Variants in KIAA0319L observed in about 807,000 individuals in gnomAD.
KIAA0319L encodes dyslexia-associated protein KIAA0319-like protein.
A neutral mutation model predicts 120.1 loss-of-function variants in KIAA0319L; 55 were observed. The observed-to-expected ratio is 0.46, with a 90% CI of 0.37 to 0.57. The LOEUF (loss-of-function observed/expected upper bound fraction) is 0.57, where lower values mean the gene tolerates loss of function less well. Among genes scored for constraint, KIAA0319L ranks in the 20% least tolerant of loss-of-function variants. The probability of loss-of-function intolerance (pLI) is 0.00; values close to 1 mark genes in which losing one functional copy is unlikely to be tolerated. For missense variants in KIAA0319L, 1,049 were observed against 1,255.3 expected (o/e 0.84, Z 2.48); for synonymous variants, 398 against 471.9 (o/e 0.84, Z 2.03).
chr1:35,532,401 C>T (rs549461653), intron 2 of KIAA0319L, among the ~76,000 whole-genome samples: 4 of 152,258 alleles, frequency 2.6e-5, no homozygotes, highest in African/African-American at 4.8e-5. Context: ...TCTTTTTCAT[C>T]CATTCCCTGA....
chr1:35,437,141 T>C lies in KIAA0319L; in HGVS notation c.2963-2060A>G, dbSNP rs549354421. ...TCGCACGTTGTTGGTTTTGGTCACC[T>C]AGATGCCACTGGAACACCCCATGGC... On this transcript the variant is annotated intron_variant, in intron 20 of 20. Transcript: ENST00000325722. This position sits in a 1 kb window ranked among gnomAD's most constrained non-coding sequence, Gnocchi z 4.1. Among the ~76,000 whole-genome samples, 12 of 152,126 alleles carry C rather than the reference T, an allele frequency of 7.9e-5. No homozygotes were observed. The highest frequency in any genetic ancestry group is 6.5e-5 in the Admixed American group (1 of 15,284).
At chr1:35,490,925 T>A (rs574899454) in intron 3 of KIAA0319L, among the ~76,000 whole-genome samples, 31 of 152,332 alleles carry the variant, frequency 2.0e-4, no homozygotes, top group Admixed American at 7.2e-4. Context: ...TTCCTGCATG[T>A]GAAGATTGTG....
intron 3 of KIAA0319L, among the ~76,000 whole-genome samples, chr1:35,481,690 G>A (rs2149147064): frequency 6.6e-6 from 1 of 151,658 alleles, no homozygotes; most frequent in African/African-American, 2.4e-5. Context: ...AAATTTTTAT[G>A]TATGTATACA....
intron 20 of KIAA0319L, among the ~76,000 whole-genome samples, chr1:35,436,671 C>CA (rs781366806): frequency 1.3e-5 from 2 of 152,084 alleles, no homozygotes; most frequent in Non-Finnish European, 2.9e-5. Context: ...AAAACAACAA[C>CA]AAAAAACAAC....
chr1:35,500,810 C>T (rs1222002230), intron 3 of KIAA0319L, among the ~76,000 whole-genome samples: 1 of 152,222 alleles, frequency 6.6e-6, no homozygotes, highest in Non-Finnish European at 1.5e-5. Flanking sequence ...CAAGGCAATT[C>T]TCAATGCACA....
Position 35,515,503 on chromosome 1 carries a change from T to G in KIAA0319L, c.143-8368A>C, listed in dbSNP as rs917807579. Reference sequence around the variant, plus strand: ...ATTAAGGCAGAAATCAAGAAGTTATTTGAAACTAATAAGAACAAAGATACA... The same window carrying G: ...ATTAAGGCAGAAATCAAGAAGTTATGTGAAACTAATAAGAACAAAGATACA... On this transcript the variant is annotated intron_variant, in intron 2 of 20. Coordinates refer to ENST00000325722, the MANE Select transcript of KIAA0319L (RefSeq NM_024874.5). Among the ~76,000 whole-genome samples the G allele has an allele frequency of 2.6e-5, 4 of 152,124 alleles. No homozygotes were observed. In the East Asian group the frequency reaches 7.7e-4, roughly 29 times the overall value.
At chr1:35,545,706 C>T (rs999103717) in intron 2 of KIAA0319L, among the ~76,000 whole-genome samples, 1 of 152,048 alleles carries the variant, frequency 6.6e-6, no homozygotes, top group South Asian at 2.1e-4. Context: ...ACCAGCCTGG[C>T]CAACATGGTG....
intron 16 of KIAA0319L, among the ~76,000 whole-genome samples, chr1:35,447,218 C>T (rs990633521): frequency 1.3e-5 from 2 of 149,026 alleles, no homozygotes; most frequent in African/African-American, 5.0e-5. Flanking sequence ...GACTAGCTTC[C>T]ACACTACTGA....
At chr1:35,436,384 T>C (rs1192739512) in intron 20 of KIAA0319L, among the ~76,000 whole-genome samples, 2 of 152,204 alleles carry the variant, frequency 1.3e-5, no homozygotes, top group Non-Finnish European at 1.5e-5. Flanking sequence ...TTCTGGGTCT[T>C]GACTGAACCT....
chr1:35,534,641 C>T (rs1452466131), intron 2 of KIAA0319L, among the ~76,000 whole-genome samples: 3 of 151,904 alleles, frequency 2.0e-5, no homozygotes, highest in South Asian at 4.1e-4. Context: ...AGGTGGATCA[C>T]GAGGTCAGGA....
intron 7 of KIAA0319L, 90 bp downstream of exon 7, chr1:35,466,518 A>T: frequency 1.2e-6 from 1 of 835,040 alleles, no homozygotes; most frequent in Non-Finnish European, 1.9e-6. Flanking sequence ...TACAAAAAAA[A>T]TGAGAATCAA....
chr1:35,526,342 TGTAC>T (rs1461143659), intron 2 of KIAA0319L, among the ~76,000 whole-genome samples: 1 of 146,264 alleles, frequency 6.8e-6, no homozygotes, highest in Non-Finnish European at 1.5e-5. Context: ...TATGTATATA[TGTAC>T]GTGTGTGTGT....
chr1:35,531,647 C>T lies in KIAA0319L; in HGVS notation c.142+22703G>A, dbSNP rs181886629. ...CTAGGATTACAGGAGGTGGTGAGAA[C>T]GTGGACTGTTGGGGATTGCTCACTT... On this transcript the variant is annotated intron_variant, in intron 2 of 20. Transcript: ENST00000325722. 1.3e-5 allele frequency among the ~76,000 whole-genome samples: 2 copies of T among 152,286 alleles called. 1 individual carries two copies. The highest frequency in any genetic ancestry group is 2.9e-5 in the Non-Finnish European group (2 of 68,022).
At chr1:35,552,246 G>A (rs770114921) in intron 2 of KIAA0319L, among the ~76,000 whole-genome samples, 10 of 152,108 alleles carry the variant, frequency 6.6e-5, no homozygotes, top group Non-Finnish European at 1.5e-4. Context: ...GGAGGCTGAC[G>A]CAGGAGAATC....
At chr1:35,456,887 G>A (rs1319435444) in intron 9 of KIAA0319L, among the ~76,000 whole-genome samples, 1 of 137,074 alleles carries the variant, frequency 7.3e-6, no homozygotes, top group Non-Finnish European at 1.6e-5. Flanking sequence ...AAGGAGGGAG[G>A]GAGGGAGGGA....
rs1485234934 is a variant in KIAA0319L, at chr1:35,451,730, T to C, written c.1960A>G (p.Thr654Ala). The C allele has an allele frequency of 2.5e-6, 4 of 1,614,072 alleles. No individual in the cohort carries two copies. Among genetic ancestry groups the C allele is most frequent in the East Asian group, 2.2e-5 (1 of 44,878 alleles). ...GTCCCCACTTGCAGCCCAGTCACAGTAGCAACACTGCTGTTAGCATTCTCG... is the reference window on the plus strand; with the variant it reads ...GTCCCCACTTGCAGCCCAGTCACAGCAGCAACACTGCTGTTAGCATTCTCG... ...QLENANSSVATVTGLQVGTYV... is the reference protein window; with the variant it reads ...QLENANSSVAAVTGLQVGTYV... Residue 654 changes from threonine to alanine, a missense_variant, in exon 13 of 21, where the codon ACT (threonine) becomes GCT (alanine). Coordinates refer to ENST00000325722, the MANE Select transcript of KIAA0319L (RefSeq NM_024874.5).
rs544213355 is a variant in KIAA0319L at position 35,513,832 on chromosome 1, T to C, written c.143-6697A>G. On this transcript the variant is annotated intron_variant, in intron 2 of 20. Transcript: ENST00000325722. The stretch of plus-strand genomic sequence containing the variant: ...CTGACAAACGTTTCCTTTATATTTG[T>C]GAGAGTGATGTCTTTAACACTTTGA... Among the ~76,000 whole-genome samples, 6 of 152,304 alleles carry C rather than the reference T, an allele frequency of 3.9e-5. No homozygotes were observed. In the South Asian group the frequency reaches 1.2e-3, roughly 32 times the overall value.
chr1:35,511,342 G>T (rs1375600411), intron 2 of KIAA0319L: 1 of 152,324 alleles, frequency 6.6e-6, no homozygotes, highest in Non-Finnish European at 1.5e-5. Flanking sequence ...CCAAGGCCTT[G>T]CTGAAAATCA....
At chr1:35,528,527 G>A (rs1040216929) in intron 2 of KIAA0319L, among the ~76,000 whole-genome samples, 14 of 152,292 alleles carry the variant, frequency 9.2e-5, no homozygotes, top group Middle Eastern at 6.8e-3. Flanking sequence ...TTGAGGTTTC[G>A]TGGTCTGACA....
Sources: allele counts gnomAD v4.1 joint callset (sites outside exome capture counted in the v4.1 genomes callset), GRCh38; gene constraint gnomAD v4.1.1; non-coding constraint Gnocchi (gnomAD v3.1); transcripts MANE v1.5; gene names NCBI Gene and HGNC (gene_info 2026-07-23, HGNC 2026-07-21).